The following BCCIP variants were observed in gnomAD, a reference collection of about 807,000 sequenced individuals.
BCCIP encodes BRCA2 and CDKN1A interacting protein, also known as BRCA2 and CDKN1A-interacting protein.
A neutral mutation model predicts 32.8 loss-of-function variants in BCCIP; 23 were observed. The ratio of observed to expected loss-of-function variants is 0.70; its 90% CI spans 0.51 to 0.99. The LOEUF is 0.99. Ranked by LOEUF, BCCIP falls within the 50% of genes least tolerant of loss-of-function variation. The pLI is 0.00. For synonymous variants in BCCIP, 144 were observed against 137.6 expected, an observed-to-expected ratio of 1.05 and a Z score of -0.33; for missense variants, 378 against 379.8, an observed-to-expected ratio of 1.00 and a Z score of 0.04.
rs750921125 is a variant in BCCIP at position 125,841,866 on chromosome 10, G to T, written c.*507G>T. ...GACATGATGATTCCAAATTCAGAAA[G>T]ATTTCCATCATTATCCAGTGCTGCC... On this transcript the variant is annotated 3_prime_UTR_variant, in exon 7 of 7. Coordinates refer to the BCCIP transcript ENST00000299130. 5.0e-6 allele frequency: 8 copies of T among 1,613,682 alleles called. No individual in the cohort carries two copies. Among genetic ancestry groups the T allele is most frequent in the Non-Finnish European group, 6.8e-6 (8 of 1,179,930 alleles).
downstream of BCCIP, chr10:125,841,283 G>T (rs769469760): frequency 2.5e-6 from 4 of 1,613,968 alleles, no homozygotes; most frequent in African/African-American, 5.3e-5. Flanking sequence ...GTGCTTGGAG[G>T]TCCAGACACA....
At chr10:125,827,530 A>G (rs755091640) in intron 2 of BCCIP, 28 bp from the exon 3 acceptor site, 14 of 1,444,576 alleles carry the variant, frequency 9.7e-6, no homozygotes, top group African/African-American at 1.4e-5. Context: ...TTTGATCTTA[A>G]TTTAAAATAA....
downstream of BCCIP, among the ~76,000 whole-genome samples, chr10:125,845,612 T>C (rs2134034051): frequency 6.6e-6 from 1 of 152,286 alleles, no homozygotes; most frequent in Middle Eastern, 3.4e-3. Context: ...ACCCCCTTTC[T>C]TCCCAATAAG....
At chr10:125,836,911 C>A, downstream of BCCIP, 1 of 1,510,738 alleles carries the variant, frequency 6.6e-7, no homozygotes, top group Non-Finnish European at 9.1e-7. Flanking sequence ...GTGAGAGACA[C>A]CAAACATTAT....
At chr10:125,838,450 T>C (rs761030661), downstream of BCCIP, 1 of 1,410,000 alleles carries the variant, frequency 7.1e-7, no homozygotes, top group Non-Finnish European at 9.4e-7. Flanking sequence ...TATACAAAGA[T>C]GTTTGTTGAA....
chr10:125,844,024 G>T (rs1390005814), downstream of BCCIP, among the ~76,000 whole-genome samples: 2 of 152,184 alleles, frequency 1.3e-5, no homozygotes, highest in Non-Finnish European at 2.9e-5. Flanking sequence ...TTCCTGTCCT[G>T]CCTGGGTCCT....
At chr10:125,830,680 GT>G (rs753709747) in intron 4 of BCCIP, 29 bp downstream of exon 4, 2 of 1,431,632 alleles carry the variant, frequency 1.4e-6, no homozygotes, top group South Asian at 2.5e-5. Context: ...CATCTGAATG[GT>G]TATTTCTTAG....
chr10:125,842,168 A>C (rs1272920657), exon 7 of BCCIP: 3 of 530,600 alleles, frequency 5.7e-6, no homozygotes, highest in Non-Finnish European at 9.2e-6. Context: ...TCCCAGCTGC[A>C]GTGTGCATGC....
intron 1 of BCCIP, among the ~76,000 whole-genome samples, chr10:125,824,455 C>G (rs1201523252): frequency 6.6e-6 from 1 of 152,164 alleles, no homozygotes; most frequent in Non-Finnish European, 1.5e-5. Context: ...ATAATTCATG[C>G]CCCTCTCTTA....
At chr10:125,841,213 G>A (rs778412229), downstream of BCCIP, 109 of 1,584,372 alleles carry the variant, frequency 6.9e-5, no homozygotes, top group Non-Finnish European at 9.2e-5. Context: ...GCTTTTCTAA[G>A]GTCAACTGAA....
chr10:125,840,383 C>G (rs2282438), downstream of BCCIP, among the ~76,000 whole-genome samples: 57 of 152,360 alleles, frequency 3.7e-4, no homozygotes, highest in East Asian at 8.3e-3. Flanking sequence ...TGCAGCCTCC[C>G]CTCAGCACCC....
At chr10:125,841,093 G>A (rs2134026436), downstream of BCCIP, 1 of 1,430,320 alleles carries the variant, frequency 7.0e-7, no homozygotes, top group East Asian at 2.4e-5. Flanking sequence ...TAGTGGCATG[G>A]CTCCTGTCTT....
At chr10:125,840,153 G>T (rs1156469324), downstream of BCCIP, among the ~76,000 whole-genome samples, 1 of 152,194 alleles carries the variant, frequency 6.6e-6, no homozygotes, top group Admixed American at 6.5e-5. Flanking sequence ...CCCTTTATGG[G>T]TGGCTCTAGC....
chr10:125,835,159 C>T (rs1003713969), intron 6 of BCCIP, among the ~76,000 whole-genome samples: 1 of 151,434 alleles, frequency 6.6e-6, no homozygotes, highest in Non-Finnish European at 1.5e-5. Flanking sequence ...TGAAGTGTAT[C>T]TCTGAGGGGA....
At chr10:125,831,070 C>T (rs1421437397) in intron 4 of BCCIP, among the ~76,000 whole-genome samples, 2 of 152,150 alleles carry the variant, frequency 1.3e-5, no homozygotes, top group East Asian at 3.8e-4. Flanking sequence ...AAAAGTAAAC[C>T]AGCTGCTTAC....
chr10:125,850,256 G>A (rs1163871140), intron 7 of BCCIP, among the ~76,000 whole-genome samples: 1 of 151,474 alleles, frequency 6.6e-6, no homozygotes, highest in Non-Finnish European at 1.5e-5. Context: ...AGGATTACAG[G>A]TGTGAGCCAC....
At chr10:125,844,190 C>T (rs1182668690), downstream of BCCIP, among the ~76,000 whole-genome samples, 2 of 152,128 alleles carry the variant, frequency 1.3e-5, no homozygotes, top group African/African-American at 4.8e-5. Flanking sequence ...AAGTAACAGC[C>T]GATCTGCTGG....
chr10:125,837,997 A>G (rs576530275), downstream of BCCIP, among the ~76,000 whole-genome samples: 3 of 152,246 alleles, frequency 2.0e-5, no homozygotes, highest in East Asian at 5.8e-4. Context: ...TTTTATTTCT[A>G]CACTGTCTTT....
chr10:125,833,262 G>A (rs181151465), intron 5 of BCCIP, among the ~76,000 whole-genome samples: 60 of 152,264 alleles, frequency 3.9e-4, no homozygotes, highest in Non-Finnish European at 2.9e-4. Context: ...GCTTTGTTGC[G>A]ATTCCATTGC....
Sources: gnomAD v4.1 joint callset for allele counts (sites outside exome capture counted in the v4.1 genomes callset) on GRCh38, gnomAD v4.1.1 for gene constraint, MANE v1.5 for transcripts, NCBI Gene and HGNC (gene_info 2026-07-23, HGNC 2026-07-21) for gene names.